Variants in MX1 observed in about 807,000 individuals in gnomAD.
The protein encoded by MX1 is interferon-induced GTP-binding protein Mx1.
Under a neutral mutation model 66.4 loss-of-function variants are expected in MX1, and 66 were observed. The observed-to-expected ratio is 0.99, with a 90% CI of 0.82 to 1.22. MX1 has a LOEUF of 1.22. MX1 is among the 50% of genes most tolerant of loss of function. The probability of loss-of-function intolerance (pLI) is 0.00; values close to 1 mark genes in which losing one functional copy is unlikely to be tolerated. For synonymous variants in MX1, 311 were observed against 318.1 expected (o/e 0.98, Z 0.24); for missense variants, 787 against 834.3 (o/e 0.94, Z 0.70).
upstream of MX1, among the ~76,000 whole-genome samples, chr21:41,423,685 G>T (rs928648267): frequency 3.3e-5 from 5 of 152,164 alleles, no homozygotes; most frequent in Admixed American, 3.3e-4. Context: ...TACATGCTCA[G>T]TAGACAGGAG....
chr21:41,447,772 G>C (rs530843252), intron 13 of MX1, among the ~76,000 whole-genome samples: 3 of 152,018 alleles, frequency 2.0e-5, no homozygotes, highest in African/African-American at 7.2e-5. Context: ...GTCTCACTCT[G>C]TTGCCCAGGC....
At chr21:41,426,796 C>T (rs780166786) in intron 1 of MX1, 2 of 152,314 alleles carry the variant, frequency 1.3e-5, no homozygotes, top group African/African-American at 2.4e-5. Flanking sequence ...AAGGGGGTTC[C>T]GAGCTGGGCC....
rs776288123 is a variant in MX1 at position 41,437,159 on chromosome 21, A to T, written c.436+7A>T. ...GAAAAGGAAATTAATAAAGGTGAGT[A>T]CCCCCTGTTTGGATGCCTGGTCAAG... is the stretch of plus-strand genomic sequence containing the variant. On this transcript the variant is annotated splice_region_variant and intron_variant, in intron 7 of 16. Coordinates refer to ENST00000398598, the MANE Select transcript of MX1 (RefSeq NM_002462.5). 1 of 1,613,470 alleles carries T rather than the reference A, an allele frequency of 6.2e-7. No homozygotes were observed. Among genetic ancestry groups the T allele is most frequent in the Non-Finnish European group, 8.5e-7 (1 of 1,179,728 alleles).
At position 41,441,493 on chromosome 21, in the gene MX1, G is replaced by C; in HGVS notation, c.731-223G>C. 1 of 584,294 alleles carries C rather than the reference G, an allele frequency of 1.7e-6. No individual in the cohort carries two copies. The highest frequency in any genetic ancestry group is 2.0e-5 in the South Asian group (1 of 49,774). The allele number at this position is 584,294 out of a possible 1,614,324, so 36.2% of individuals were successfully genotyped here. A position where few individuals can be genotyped will look rare whatever the true frequency, so the allele number is the denominator to read the frequency against. Reference sequence around the variant, plus strand: ...GGACCCGGGTGAAGGAGCTTGGGGAGAGCCACATGCTGTTCTGGGAGGCAT... The same window carrying C: ...GGACCCGGGTGAAGGAGCTTGGGGACAGCCACATGCTGTTCTGGGAGGCAT... On this transcript the variant is annotated intron_variant, in intron 9 of 16. Transcript: ENST00000398598. The surrounding 1 kb of genome is among the most constrained non-coding windows in gnomAD (Gnocchi z 4.0).
intron 12 of MX1, 39 bp downstream of exon 12, chr21:41,445,609 G>A: frequency 6.2e-7 from 1 of 1,611,944 alleles, no homozygotes; most frequent in African/African-American, 1.3e-5. Flanking sequence ...AGAAGCACAT[G>A]TCATGGTCAA....
chr21:41,438,999 A>G (rs1601495507), intron 7 of MX1, among the ~76,000 whole-genome samples: 1 of 152,008 alleles, frequency 6.6e-6, no homozygotes. Flanking sequence ...TGCACATAAC[A>G]TTTTCACATG....
chr21:41,439,690 C>G lies in MX1; in HGVS notation c.437-4C>G. On this transcript the variant is annotated splice_region_variant and splice_polypyrimidine_tract_variant and intron_variant, in intron 7 of 16. Transcript: ENST00000398598. ...GGGTTTGATTTTCCCTGTCTCTTTT[C>G]TAGCCCAGAATGCCATCGCCGGGGA... is the stretch of plus-strand genomic sequence containing the variant. 6.2e-7 allele frequency: 1 copy of G among 1,613,090 alleles called. No individual in the cohort carries two copies. Among genetic ancestry groups the G allele is most frequent in the Non-Finnish European group, 8.5e-7 (1 of 1,179,176 alleles).
chr21:41,430,328 C>T (rs1221684695), intron 3 of MX1, among the ~76,000 whole-genome samples: 1 of 152,058 alleles, frequency 6.6e-6, no homozygotes, highest in Non-Finnish European at 1.5e-5. Flanking sequence ...AGATTTGCAG[C>T]AAAGCTCTGT....
At chr21:41,449,812 ACCTCACCGCGGAGAAGGTTTTATGGAGG>A (rs1415686911) in intron 14 of MX1, 1 of 152,266 alleles carries the variant, frequency 6.6e-6, no homozygotes, top group African/African-American at 2.4e-5. Context: ...AGCTCTTGGA[ACCTCACCGCGGAGAAGGTTTTATGGAGG>A]CCTCATCATG....
chr21:41,449,240 A>G lies in MX1; in HGVS notation c.1377A>G (p.Lys459=), dbSNP rs1259626822. 1 of 1,613,958 alleles carries G rather than the reference A, an allele frequency of 6.2e-7. No individual in the cohort carries two copies. Among genetic ancestry groups the G allele is most frequent in the Non-Finnish European group, 8.5e-7 (1 of 1,180,014 alleles). Reference sequence around the variant, plus strand: ...ACAGGACATTTGAGACAATCGTGAAACAGCAAATCAAGGCACTGGAAGAGC... The same window carrying G: ...ACAGGACATTTGAGACAATCGTGAAGCAGCAAATCAAGGCACTGGAAGAGC... ...VNYRTFETIV[K]QQIKALEEPA... Residue 459 remains lysine (K), a synonymous_variant, in exon 14 of 17, where the codon AAA becomes AAG. Transcript: ENST00000398598.
chr21:41,422,998 C>G (rs1463849058), upstream of MX1: 2 of 152,364 alleles, frequency 1.3e-5, no homozygotes, highest in East Asian at 3.8e-4. Context: ...GGGCCACTTC[C>G]AAGATGGCGG....
In MX1 at chr21:41,445,501, A is replaced by G; in HGVS notation, c.1062A>G (p.Thr354=). ...NQIKETHQRI[T]EELQKYGVDI... is the part of the protein sequence containing the mutation. ...TCAAGGAGACTCACCAGAGAATAACAGAGGAGCTACAAAAGTATGGTGTCG... is the reference window on the plus strand; with the variant it reads ...TCAAGGAGACTCACCAGAGAATAACGGAGGAGCTACAAAAGTATGGTGTCG... Residue 354 remains threonine (T), a synonymous_variant, in exon 12 of 17, where the codon ACA becomes ACG. Transcript: ENST00000398598. 2 of 1,614,194 alleles carry G rather than the reference A, an allele frequency of 1.2e-6. No individual in the cohort carries two copies. The highest frequency in any genetic ancestry group is 1.7e-6 in the Non-Finnish European group (2 of 1,180,006).
chr21:41,430,856 A>G (rs1356978323), intron 4 of MX1, among the ~76,000 whole-genome samples: 1 of 152,188 alleles, frequency 6.6e-6, no homozygotes, highest in African/African-American at 2.4e-5. Flanking sequence ...TGTGGGAGTA[A>G]AAGAATGACA....
chr21:41,440,624 G>A (rs1041388653), intron 8 of MX1, among the ~76,000 whole-genome samples: 2 of 152,192 alleles, frequency 1.3e-5, no homozygotes, highest in African/African-American at 4.8e-5. Flanking sequence ...TCAGATCTGA[G>A]GTCTTAGGGG....
intron 16 of MX1, 144 bp from the exon 17 acceptor site, chr21:41,458,384 G>A (rs1453455465): frequency 5.5e-6 from 5 of 902,656 alleles, no homozygotes; most frequent in Non-Finnish European, 8.4e-6. Context: ...GAGATTGATG[G>A]GTTTGAAACC....
upstream of MX1, among the ~76,000 whole-genome samples, chr21:41,423,784 G>A (rs1468590022): frequency 6.6e-6 from 1 of 152,164 alleles, no homozygotes; most frequent in Non-Finnish European, 1.5e-5. Flanking sequence ...CATATTAGAG[G>A]CAATGAAGCA....
At chr21:41,435,634 C>A (rs905699324) in intron 5 of MX1, among the ~76,000 whole-genome samples, 27 of 152,140 alleles carry the variant, frequency 1.8e-4, no homozygotes, top group African/African-American at 6.3e-4. Context: ...AACCATCAGA[C>A]CTCATGAAAA....
chr21:41,456,979 C>T (rs1056778709), intron 16 of MX1, among the ~76,000 whole-genome samples: 6 of 152,282 alleles, frequency 3.9e-5, no homozygotes, highest in African/African-American at 1.4e-4. Flanking sequence ...CCAGGCTGGT[C>T]TTGAACGCCT....
chr21:41,435,983 C>G lies in MX1; in HGVS notation c.252C>G (p.Ser84Arg). 6.2e-7 allele frequency: 1 copy of G among 1,614,244 alleles called. No homozygotes were observed. The highest frequency in any genetic ancestry group is 8.5e-7 in the Non-Finnish European group (1 of 1,180,046). The change falls in exon 6 of 17, where the codon AGC becomes AGG. Residue 84 changes from serine to arginine, a missense_variant. Ser to Arg is a moderately radical substitution (Grantham distance 110). Transcript: ENST00000398598. ...TCGGGGACCAGAGCTCGGGCAAGAG[C>G]TCCGTGTTGGAGGCACTGTCAGGAG... Reference protein sequence around the residue: ...AVIGDQSSGKSSVLEALSGVA... With the variant: ...AVIGDQSSGKRSVLEALSGVA...
Sources: gnomAD v4.1 joint callset for allele counts (sites outside exome capture counted in the v4.1 genomes callset) on GRCh38, gnomAD v4.1.1 for gene constraint, Gnocchi (gnomAD v3.1) non-coding constraint, MANE v1.5 for transcripts, NCBI Gene and HGNC (gene_info 2026-07-23, HGNC 2026-07-21) for gene names.